Variants in SLC4A5 observed in about 807,000 individuals in gnomAD.
SLC4A5 encodes electrogenic sodium bicarbonate cotransporter 4.
Under a neutral mutation model 120.4 loss-of-function variants are expected in SLC4A5, and 96 were observed. The ratio of observed to expected loss-of-function variants is 0.80; its 90% CI spans 0.68 to 0.94. SLC4A5 has a LOEUF of 0.94. SLC4A5 is among the 40% of genes least tolerant of loss of function. The pLI is 0.00. For synonymous variants in SLC4A5, 550 were observed against 571.1 expected (o/e 0.96, Z 0.53); for missense variants, 1,259 against 1,459.5 (o/e 0.86, Z 2.24).
intron 6 of SLC4A5, among the ~76,000 whole-genome samples, chr2:74,309,226 AT>A (rs1247133957): frequency 0.05 from 7,349 of 147,596 alleles, 440 homozygotes; most frequent in African/African-American, 0.14. Flanking sequence ...GCCTGGATTC[AT>A]TTTTTTTTTT....
At chr2:74,320,623 C>A (rs150896074) in intron 5 of SLC4A5, among the ~76,000 whole-genome samples, 102 of 152,218 alleles carry the variant, frequency 6.7e-4, no homozygotes, top group African/African-American at 2.2e-3. Flanking sequence ...ACCTTCGATG[C>A]ACCTTTTTTT....
intron 28 of SLC4A5, among the ~76,000 whole-genome samples, chr2:74,224,107 C>T (rs1324895337): frequency 6.6e-6 from 1 of 152,182 alleles, no homozygotes; most frequent in African/African-American, 2.4e-5. Context: ...GGGTAAGTCA[C>T]TTCCTTTTGT....
intron 5 of SLC4A5, among the ~76,000 whole-genome samples, chr2:74,326,426 C>G (rs1376571598): frequency 6.6e-6 from 1 of 152,190 alleles, no homozygotes; most frequent in Non-Finnish European, 1.5e-5. Flanking sequence ...ACACAAAATT[C>G]TCTTCTGTCC....
chr2:74,247,745 C>A (rs1412277749), intron 18 of SLC4A5, among the ~76,000 whole-genome samples: 1 of 152,028 alleles, frequency 6.6e-6, no homozygotes, highest in Non-Finnish European at 1.5e-5. Flanking sequence ...AAATTCCTGA[C>A]CTCAGGTGAT....
chr2:74,303,154 C>T (rs148739788), intron 7 of SLC4A5, among the ~76,000 whole-genome samples: 251 of 151,630 alleles, frequency 1.7e-3, no homozygotes, highest in Non-Finnish European at 2.9e-3. Context: ...TTAACTATAG[C>T]CCATCTCTTA....
intron 19 of SLC4A5, among the ~76,000 whole-genome samples, chr2:74,244,065 G>A (rs1447370782): frequency 6.6e-6 from 1 of 152,226 alleles, no homozygotes; most frequent in Non-Finnish European, 1.5e-5. Context: ...TTACTAAGTA[G>A]GTGGCCCATG....
intron 19 of SLC4A5, among the ~76,000 whole-genome samples, chr2:74,244,493 TCC>T (rs1670547212): frequency 2.8e-5 from 2 of 71,044 alleles, no homozygotes; most frequent in Non-Finnish European, 9.1e-5. Context: ...CCTTTCTCTC[TCC>T]CTTCCTTCTT....
At chr2:74,224,729 C>G (rs1314730622) in intron 28 of SLC4A5, 111 bp downstream of exon 28, 1 of 1,458,624 alleles carries the variant, frequency 6.9e-7, no homozygotes, top group Non-Finnish European at 9.2e-7. Flanking sequence ...TGGACTGGGC[C>G]GAGGCACTGC....
At chr2:74,225,308 G>A (rs1370933012) in intron 27 of SLC4A5, among the ~76,000 whole-genome samples, 2 of 152,130 alleles carry the variant, frequency 1.3e-5, no homozygotes, top group African/African-American at 2.4e-5. Flanking sequence ...TAAATTAGTG[G>A]TTCTCAGCCA....
At chr2:74,221,789 A>G (rs1287597193) in intron 29 of SLC4A5, among the ~76,000 whole-genome samples, 2 of 152,082 alleles carry the variant, frequency 1.3e-5, no homozygotes, top group African/African-American at 4.8e-5. Context: ...TATGATGGAC[A>G]GTGCTGATGG....
At chr2:74,326,945 T>G (rs181602533) in intron 5 of SLC4A5, among the ~76,000 whole-genome samples, 1 of 152,290 alleles carries the variant, frequency 6.6e-6, no homozygotes, top group East Asian at 1.9e-4. Flanking sequence ...TAAAGATGTA[T>G]GACACGTTTT....
intron 5 of SLC4A5, among the ~76,000 whole-genome samples, chr2:74,325,406 AACTT>A (rs904129175): frequency 3.0e-4 from 46 of 152,324 alleles, no homozygotes; most frequent in African/African-American, 1.1e-3. Context: ...GCTAGATCCC[AACTT>A]CTCACAACTT....
intron 7 of SLC4A5, among the ~76,000 whole-genome samples, chr2:74,292,656 G>C (rs1386813921): frequency 6.6e-6 from 1 of 152,072 alleles, no homozygotes; most frequent in East Asian, 1.9e-4. Context: ...GCCACACAAA[G>C]AATCATGCTT....
chr2:74,307,262 G>A, intron 6 of SLC4A5: 1 of 518,324 alleles, frequency 1.9e-6, no homozygotes, highest in Non-Finnish European at 3.6e-6. Context: ...ATTGGGCCCA[G>A]ATGTCTGCCA....
intron 2 of SLC4A5, among the ~76,000 whole-genome samples, chr2:74,340,426 G>A (rs1008550864): frequency 6.6e-6 from 1 of 152,140 alleles, no homozygotes; most frequent in Non-Finnish European, 1.5e-5. Context: ...TCATGTTACT[G>A]AGCAGCGATG....
At chr2:74,335,873 C>T (rs1312134020) in intron 3 of SLC4A5, among the ~76,000 whole-genome samples, 9 of 152,056 alleles carry the variant, frequency 5.9e-5, no homozygotes, top group Non-Finnish European at 1.5e-5. Flanking sequence ...GGCAAATATG[C>T]TTAAGTTCAG....
At chr2:74,219,177 GT>G (rs1416829057) in intron 30 of SLC4A5, among the ~76,000 whole-genome samples, 14 of 18,158 alleles carry the variant, frequency 7.7e-4, no homozygotes, top group Admixed American at 1.9e-3. Flanking sequence ...CTCTTTGGAG[GT>G]GTGTGTGTGT....
At chr2:74,311,788 C>G (rs545005701) in intron 6 of SLC4A5, among the ~76,000 whole-genome samples, 1 of 151,922 alleles carries the variant, frequency 6.6e-6, no homozygotes, top group African/African-American at 2.4e-5. Context: ...TATTGTTGGA[C>G]GAAGTATTCT....
chr2:74,240,366 C>T (rs1289885889), intron 20 of SLC4A5, among the ~76,000 whole-genome samples: 2 of 152,170 alleles, frequency 1.3e-5, no homozygotes, highest in Non-Finnish European at 2.9e-5. Context: ...ATATTTAATG[C>T]ATGGTACATT....
Sources: allele counts gnomAD v4.1 joint callset (sites outside exome capture counted in the v4.1 genomes callset), GRCh38; gene constraint gnomAD v4.1.1; transcripts MANE v1.5; gene names NCBI Gene and HGNC (gene_info 2026-07-23, HGNC 2026-07-21).